BPIFC: variants seen among roughly 807,000 people sequenced by gnomAD.
The protein encoded by BPIFC is BPI fold containing family C, also known as BPI fold-containing family C protein.
BPIFC carries 60 observed loss-of-function variants against 57.6 expected under a neutral mutation model. That is an observed-to-expected ratio of 1.04 (90% CI 0.85 to 1.29). The LOEUF is 1.29. Among genes scored for constraint, BPIFC ranks in the 50% most tolerant of loss-of-function variants. The pLI, the probability that BPIFC is intolerant of heterozygous loss-of-function variation, is 0.00. For synonymous variants in BPIFC, 243 were observed against 224.5 expected (o/e 1.08, Z -0.74); for missense variants, 581 against 600.5 (o/e 0.97, Z 0.34).
At chr22:32,448,451 C>T (rs1016908090) in intron 4 of BPIFC, among the ~76,000 whole-genome samples, 3 of 152,178 alleles carry the variant, frequency 2.0e-5, no homozygotes, top group African/African-American at 7.2e-5. Context: ...TGTCCCTCCC[C>T]ACCTGTCATT....
At chr22:32,437,991 G>C (rs1934457814) in intron 8 of BPIFC, 140 bp from the exon 9 acceptor site, 1 of 549,818 alleles carries the variant, frequency 1.8e-6, no homozygotes, top group Non-Finnish European at 3.1e-6. Context: ...AGTAATACAT[G>C]TTATCTTTTG....
At chr22:32,440,867 A>G (rs1229501175) in intron 8 of BPIFC, among the ~76,000 whole-genome samples, 1 of 151,968 alleles carries the variant, frequency 6.6e-6, no homozygotes, top group East Asian at 1.9e-4. Context: ...CTCATCTCTT[A>G]AGTAGTCTCT....
In BPIFC at chr22:32,414,440, A is replaced by G. The variant is rs766839404; in HGVS notation, c.1402-15T>C. On this transcript the variant is annotated splice_polypyrimidine_tract_variant and intron_variant, in intron 16 of 16. Transcript: ENST00000300399. ...AAAAGGAAACCCTGGAAAGGATGTG[A>G]CAATGAAGATAACGTCAAAACTTGG... 5 of 1,612,234 alleles carry G rather than the reference A, an allele frequency of 3.1e-6. No homozygotes were observed. In the South Asian group the frequency reaches 4.4e-5, roughly 14 times the overall value.
rs532878770 is a variant in BPIFC at position 32,447,300 on chromosome 22, C to A, written c.286G>T (p.Ala96Ser). Reference protein sequence around the residue: ...SAFSFPNTSLAFVPGVGIKAL... With the variant: ...SAFSFPNTSLSFVPGVGIKAL... ...TTGATTCCCACTCCAGGCACAAAAG[C>A]CAATGAGGTATTTGGAAATGAAAAG... is the stretch of plus-strand genomic sequence containing the variant. The change falls in exon 5 of 17, where the codon GCT becomes TCT. Residue 96 changes from alanine to serine, a missense_variant. By Grantham distance (99) the Ala-to-Ser change is moderately conservative. Coordinates refer to ENST00000300399, the MANE Select transcript of BPIFC (RefSeq NM_174932.3). The A allele has an allele frequency of 4.1e-5, 66 of 1,613,994 alleles. No individual in the cohort carries two copies. The African/African-American group carries it at 7.9e-4, about 19-fold the overall frequency.
At chr22:32,448,802 G>A (rs1176120642) in intron 4 of BPIFC, among the ~76,000 whole-genome samples, 1 of 152,074 alleles carries the variant, frequency 6.6e-6, no homozygotes, top group Admixed American at 6.6e-5. Context: ...ACCGGGTGTG[G>A]TGGCATGTGC....
intron 11 of BPIFC, 118 bp downstream of exon 11, chr22:32,433,601 C>T (rs190575030): frequency 8.4e-6 from 7 of 837,900 alleles, no homozygotes; most frequent in Admixed American, 2.5e-5. Flanking sequence ...CGAGAAAAAA[C>T]TCCCAATAAT....
rs1313362184 is a variant in BPIFC, at chr22:32,452,806, C to T, written c.245+577G>A. Among the ~76,000 whole-genome samples the T allele has an allele frequency of 2.0e-5, 3 of 152,180 alleles. No homozygotes were observed. The South Asian group carries it at 6.2e-4, about 32-fold the overall frequency. ...TTGTGAATCACAGTCACAGAGAACC[C>T]CTTAGAAGAGCTTGACTCTCCCTTG... On this transcript the variant is annotated intron_variant, in intron 4 of 16. Coordinates refer to ENST00000300399, the MANE Select transcript of BPIFC (RefSeq NM_174932.3).
chr22:32,416,976 G>T lies in BPIFC; in HGVS notation c.1324+109C>A. The stretch of plus-strand genomic sequence containing the variant: ...GGCCTGGATTCATGATAACATGATA[G>T]AAGTACAAGCTTCAGGGTGGAAAGT... On this transcript the variant is annotated intron_variant, in intron 15 of 16. Coordinates refer to ENST00000300399, the MANE Select transcript of BPIFC (RefSeq NM_174932.3). The T allele has an allele frequency of 1.7e-5, 17 of 992,274 alleles. 1 individual carries two copies. The South Asian group carries it at 2.2e-4, about 13-fold the overall frequency. 61.5% of individuals were successfully genotyped at this position (992,274 alleles called of 1,614,324 possible).
intron 13 of BPIFC, among the ~76,000 whole-genome samples, chr22:32,423,671 C>CAAA (rs35855393): frequency 2.2e-5 from 3 of 138,312 alleles, no homozygotes; most frequent in African/African-American, 8.0e-5. Context: ...AATGCAATGT[C>CAAA]AAAAAAAAAA....
At chr22:32,448,270 A>G (rs1298032260) in intron 4 of BPIFC, among the ~76,000 whole-genome samples, 4 of 151,944 alleles carry the variant, frequency 2.6e-5, no homozygotes, top group Non-Finnish European at 4.4e-5. Flanking sequence ...GGCTTTCACC[A>G]TGTTAGCCAG....
intron 16 of BPIFC, among the ~76,000 whole-genome samples, chr22:32,415,128 A>G (rs750098145): frequency 6.6e-6 from 1 of 152,220 alleles, no homozygotes; most frequent in Non-Finnish European, 1.5e-5. Flanking sequence ...GGAGCGTGCA[A>G]CCTAAATCCC....
At chr22:32,460,923 C>G (rs1373296260) in intron 2 of BPIFC, among the ~76,000 whole-genome samples, 1 of 152,156 alleles carries the variant, frequency 6.6e-6, no homozygotes, top group Non-Finnish European at 1.5e-5. Context: ...TAGAATGAAT[C>G]AATGGTAGAA....
At chr22:32,432,292 G>GCTGGCCAACAGCAGC in intron 12 of BPIFC, 81 bp downstream of exon 12, 1 of 1,482,122 alleles carries the variant, frequency 6.7e-7, no homozygotes, top group Admixed American at 1.8e-5. Context: ...CTCTTCAAAC[G>GCTGGCCAACAGCAGC]TTTAAAAGCT....
At chr22:32,451,310 T>C (rs954700901) in intron 4 of BPIFC, among the ~76,000 whole-genome samples, 3 of 152,230 alleles carry the variant, frequency 2.0e-5, no homozygotes, top group African/African-American at 7.2e-5. Context: ...TCTTTGCTAT[T>C]GTGAGTAGTG....
rs182153554 is a variant in BPIFC, at chr22:32,445,266, G to A, written c.594+369C>T. On this transcript the variant is annotated intron_variant, in intron 7 of 16. Transcript: ENST00000300399. ...ATTAATTAAAGGATTGGCCAGGCGC[G>A]GTGGCTCATGCCTGTAATCCCAACA... Among the ~76,000 whole-genome samples the A allele has an allele frequency of 2.9e-3, 436 of 152,270 alleles. 4 individuals carry two copies. The highest frequency in any genetic ancestry group is 9.5e-3 in the African/African-American group (396 of 41,544).
chr22:32,462,038 C>T (rs909941860), intron 1 of BPIFC, among the ~76,000 whole-genome samples: 12 of 151,412 alleles, frequency 7.9e-5, no homozygotes, highest in Admixed American at 1.3e-4. Flanking sequence ...GGTGTGGTGG[C>T]GCACACCTGT....
At chr22:32,421,954 T>C (rs1170570485) in intron 13 of BPIFC, among the ~76,000 whole-genome samples, 1 of 152,146 alleles carries the variant, frequency 6.6e-6, no homozygotes, top group Non-Finnish European at 1.5e-5. Flanking sequence ...ATGAATAAGA[T>C]TCAAAAGGCA....
chr22:32,446,071 A>T, intron 5 of BPIFC, 75 bp from the exon 6 acceptor site: 1 of 1,545,632 alleles, frequency 6.5e-7, no homozygotes, highest in Non-Finnish European at 8.8e-7. Context: ...GATTACCCAG[A>T]GACTCTAAGC....
chr22:32,423,573 T>TGTGG (rs1274916084), intron 13 of BPIFC, among the ~76,000 whole-genome samples: 1 of 129,458 alleles, frequency 7.7e-6, no homozygotes, highest in South Asian at 2.5e-4. Context: ...AGTTGTAGGG[T>TGTGG]GTGGGTGTGT....
Sources: gnomAD v4.1 joint callset for allele counts (sites outside exome capture counted in the v4.1 genomes callset) on GRCh38, gnomAD v4.1.1 for gene constraint, MANE v1.5 for transcripts, NCBI Gene and HGNC (gene_info 2026-07-23, HGNC 2026-07-21) for gene names.